Variants in PACRG observed in about 807,000 individuals in gnomAD.
The protein encoded by PACRG is parkin coregulated.
In PACRG, 29 loss-of-function variants were observed where a neutral mutation model predicts 29.7. The observed-to-expected ratio is 0.98, with a 90% confidence interval of 0.73 to 1.33. PACRG has a LOEUF of 1.33. Ranked by LOEUF, PACRG falls within the 40% of genes most tolerant of loss-of-function variation. The pLI, the probability that PACRG is intolerant of heterozygous loss-of-function variation, is 0.00. For missense variants in PACRG, 279 were observed against 316.2 expected (o/e 0.88, Z 0.89); for synonymous variants, 116 against 118.7 (o/e 0.98, Z 0.15).
chr6:163,192,802 T>C (rs546665770), intron 4 of PACRG, among the ~76,000 whole-genome samples: 3 of 152,322 alleles, frequency 2.0e-5, no homozygotes, highest in East Asian at 3.9e-4. Flanking sequence ...CCAGGTTGGG[T>C]GTGTTGGGAG....
intron 2 of PACRG, among the ~76,000 whole-genome samples, chr6:163,035,982 A>G (rs1231427752): frequency 6.6e-6 from 1 of 152,164 alleles, no homozygotes; most frequent in African/African-American, 2.4e-5. Flanking sequence ...ATGAAAGGAA[A>G]TACTTGGTTT....
intron 4 of PACRG, among the ~76,000 whole-genome samples, chr6:163,131,163 CCGGGCGTGGTGG>C (rs1275473389): frequency 6.6e-6 from 1 of 152,040 alleles, no homozygotes; most frequent in Non-Finnish European, 1.5e-5. Context: ...AAAAAATTAT[CCGGGCGTGGTGG>C]CGGGCGCCTG....
intron 2 of PACRG, among the ~76,000 whole-genome samples, chr6:162,859,436 A>G (rs560096795): frequency 6.6e-6 from 1 of 152,308 alleles, no homozygotes; most frequent in African/African-American, 2.4e-5. Context: ...CAGGGCTAGA[A>G]ATTCAACTCA....
At chr6:163,118,142 C>G (rs1484766805) in intron 4 of PACRG, among the ~76,000 whole-genome samples, 1 of 152,214 alleles carries the variant, frequency 6.6e-6, no homozygotes, top group Non-Finnish European at 1.5e-5. Flanking sequence ...TCAGAGCACA[C>G]TGACTGCCAA....
intron 4 of PACRG, among the ~76,000 whole-genome samples, chr6:163,200,636 T>C (rs1352129410): frequency 6.6e-6 from 1 of 151,174 alleles, no homozygotes; most frequent in Non-Finnish European, 1.5e-5. Flanking sequence ...CCAAGGAAGG[T>C]CAAATTTTAA....
Position 162,742,665 on chromosome 6 carries a change from A to G in PACRG, c.156+14274A>G, listed in dbSNP as rs1034682929. ...TTACAATACTCTTGTAGTAGTTTTAATCCTTCTCTTTTTAAGGCTGAATAG... is the reference window on the plus strand; with the variant it reads ...TTACAATACTCTTGTAGTAGTTTTAGTCCTTCTCTTTTTAAGGCTGAATAG... On this transcript the variant is annotated intron_variant, in intron 1 of 4. Coordinates refer to ENST00000366888, the MANE Select transcript of PACRG (RefSeq NM_001080379.2). 3.2e-4 allele frequency among the ~76,000 whole-genome samples: 48 copies of G among 151,958 alleles called. 1 individual carries two copies. Among genetic ancestry groups the G allele is most frequent in the Admixed American group, 3.1e-3 (48 of 15,266 alleles).
intron 2 of PACRG, among the ~76,000 whole-genome samples, chr6:162,849,600 G>T (rs554265393): frequency 6.6e-6 from 1 of 152,156 alleles, no homozygotes; most frequent in African/African-American, 2.4e-5. Flanking sequence ...AATAGTTCCT[G>T]TCTGTATCCA....
chr6:163,240,552 C>A lies in PACRG; in HGVS notation c.614-74275C>A, dbSNP rs1376668664. 4.6e-5 allele frequency among the ~76,000 whole-genome samples: 7 copies of A among 152,194 alleles called. No individual in the cohort carries two copies. The South Asian group carries it at 6.2e-4, about 14-fold the overall frequency. On this transcript the variant is annotated intron_variant, in intron 4 of 4. Coordinates refer to ENST00000366888, the MANE Select transcript of PACRG (RefSeq NM_001080379.2). Reference sequence around the variant, plus strand: ...GTGGGGTGACTCCCACCTCCTTGGTCCCCTCCTCCTCAACCACCTGGCTGG... The same window carrying A: ...GTGGGGTGACTCCCACCTCCTTGGTACCCTCCTCCTCAACCACCTGGCTGG...
intron 4 of PACRG, among the ~76,000 whole-genome samples, chr6:163,121,586 A>C (rs932273279): frequency 2.0e-5 from 3 of 152,112 alleles, no homozygotes; most frequent in Admixed American, 6.5e-5. Flanking sequence ...CTCAGTCATA[A>C]AACAGACCCA....
intron 4 of PACRG, among the ~76,000 whole-genome samples, chr6:163,157,580 G>A (rs1246932729): frequency 1.3e-5 from 2 of 152,170 alleles, no homozygotes; most frequent in African/African-American, 4.8e-5. Flanking sequence ...CGCACATTAG[G>A]CTGCAGAGCT....
intron 3 of PACRG, among the ~76,000 whole-genome samples, chr6:163,069,109 C>T (rs569571559): frequency 4.6e-5 from 7 of 152,130 alleles, no homozygotes; most frequent in African/African-American, 1.4e-4. Context: ...ACTGGGCTTG[C>T]AGTGCTCCCA....
chr6:163,156,956 G>T (rs1250448607), intron 4 of PACRG, among the ~76,000 whole-genome samples: 1 of 152,122 alleles, frequency 6.6e-6, no homozygotes, highest in Non-Finnish European at 1.5e-5. Context: ...TCCCTATCTC[G>T]AGGTCTTTAA....
At chr6:163,268,383 CTAAG>C (rs1166675231) in intron 4 of PACRG, among the ~76,000 whole-genome samples, 4 of 137,032 alleles carry the variant, frequency 2.9e-5, no homozygotes, top group African/African-American at 1.0e-4. Flanking sequence ...GCCTGGGTGA[CTAAG>C]TGAGACTGTC....
chr6:163,057,119 G>C (rs967806745), intron 2 of PACRG, among the ~76,000 whole-genome samples: 20 of 152,116 alleles, frequency 1.3e-4, no homozygotes, highest in Admixed American at 4.6e-4. Flanking sequence ...CAACAAAAAA[G>C]TACCTATTCC....
intron 2 of PACRG, among the ~76,000 whole-genome samples, chr6:162,961,037 G>A (rs926882010): frequency 2.9e-5 from 4 of 140,218 alleles, no homozygotes; most frequent in African/African-American, 1.0e-4. Flanking sequence ...TTGGCCAGAT[G>A]AGGATTGCAT....
intron 2 of PACRG, chr6:162,957,512 C>T (rs918049878): frequency 5.2e-6 from 2 of 384,510 alleles, no homozygotes; most frequent in Non-Finnish European, 5.0e-6. Flanking sequence ...ACAAGGGGCT[C>T]GGGACAGCCT....
rs1176370865 is a variant in PACRG, at chr6:163,157,704, G to A, written c.613+68296G>A. Among the ~76,000 whole-genome samples, 23 of 152,244 alleles carry A rather than the reference G, an allele frequency of 1.5e-4. No individual in the cohort carries two copies. In the East Asian group the frequency reaches 1.9e-3, roughly 13 times the overall value. ...AGAATGAAAAAGGACACGAACCAAT[G>A]TTTCACTTTACTACACCACTAGTGA... On this transcript the variant is annotated intron_variant, in intron 4 of 4. Coordinates refer to ENST00000366888, the MANE Select transcript of PACRG (RefSeq NM_001080379.2).
chr6:163,246,177 A>C (rs1372805604), intron 4 of PACRG, among the ~76,000 whole-genome samples: 1 of 152,024 alleles, frequency 6.6e-6, no homozygotes, highest in East Asian at 1.9e-4. Flanking sequence ...CAGTGCCCTT[A>C]CCTTTGCATA....
chr6:162,950,715 A>G (rs1799585199), intron 2 of PACRG, among the ~76,000 whole-genome samples: 1 of 152,220 alleles, frequency 6.6e-6, no homozygotes, highest in Non-Finnish European at 1.5e-5. Flanking sequence ...AATACTACAA[A>G]TATCTAATTG....
Sources: allele counts gnomAD v4.1 joint callset (sites outside exome capture counted in the v4.1 genomes callset), GRCh38; gene constraint gnomAD v4.1.1; transcripts MANE v1.5; gene names NCBI Gene and HGNC (gene_info 2026-07-23, HGNC 2026-07-21).